The following PTPRR variants were observed in gnomAD, a reference collection of about 807,000 sequenced individuals.
PTPRR encodes the protein protein tyrosine phosphatase receptor type R.
Under a neutral mutation model 77.2 loss-of-function variants are expected in PTPRR, and 38 were observed. The ratio of observed to expected loss-of-function variants is 0.49; its 90% confidence interval spans 0.38 to 0.65. The LOEUF (loss-of-function observed/expected upper bound fraction) is 0.65, where lower values mean the gene tolerates loss of function less well. Among genes scored for constraint, PTPRR ranks in the 30% least tolerant of loss-of-function variants. The pLI is 0.00. For synonymous variants in PTPRR, 299 were observed against 283.1 expected (o/e 1.06, Z -0.57); for missense variants, 744 against 799.2 (o/e 0.93, Z 0.83).
chr12:70,886,522 C>A (rs1303094181), intron 2 of PTPRR, among the ~76,000 whole-genome samples: 1 of 151,956 alleles, frequency 6.6e-6, no homozygotes, highest in Non-Finnish European at 1.5e-5. Context: ...TCCTTTAAGT[C>A]AACTCAAATG....
At chr12:70,905,781 C>T (rs1893612325) in intron 1 of PTPRR, among the ~76,000 whole-genome samples, 1 of 151,796 alleles carries the variant, frequency 6.6e-6, no homozygotes, top group Admixed American at 6.6e-5. Flanking sequence ...AAGTCAATGT[C>T]AATAACTTGT....
At chr12:70,752,780 G>C (rs910378715) in intron 5 of PTPRR, among the ~76,000 whole-genome samples, 1 of 152,128 alleles carries the variant, frequency 6.6e-6, no homozygotes, top group African/African-American at 2.4e-5. Flanking sequence ...TGACTGACAA[G>C]AGAGGGAACA....
At chr12:70,663,424 A>T (rs1566052178) in intron 10 of PTPRR, among the ~76,000 whole-genome samples, 1 of 152,174 alleles carries the variant, frequency 6.6e-6, no homozygotes, top group African/African-American at 2.4e-5. Flanking sequence ...GGCTATCTGG[A>T]AAGTACTTAG....
intron 1 of PTPRR, among the ~76,000 whole-genome samples, chr12:70,913,003 C>A (rs1893722304): frequency 6.6e-6 from 1 of 152,030 alleles, no homozygotes; most frequent in African/African-American, 2.4e-5. Flanking sequence ...AAATGGCTTT[C>A]ACTAGCTTTT....
intron 2 of PTPRR, among the ~76,000 whole-genome samples, chr12:70,814,320 A>T (rs997972494): frequency 7.2e-5 from 11 of 152,212 alleles, no homozygotes; most frequent in Non-Finnish European, 1.5e-4. Flanking sequence ...GCTTGCCCTT[A>T]AGATTGTGTG....
chr12:70,891,998 G>T (rs11178478), intron 2 of PTPRR, among the ~76,000 whole-genome samples: 37,523 of 151,718 alleles, frequency 0.25, 5,207 homozygotes, highest in East Asian at 0.44. Flanking sequence ...GTTCAAATAG[G>T]GTGTCAACCT....
At chr12:70,768,491 A>C (rs1890884680) in intron 2 of PTPRR, among the ~76,000 whole-genome samples, 2 of 152,336 alleles carry the variant, frequency 1.3e-5, no homozygotes, top group South Asian at 4.2e-4. Context: ...GACCAAAAAT[A>C]GGATCTGAAA....
chr12:70,672,935 A>C, intron 10 of PTPRR: 5 of 1,445,798 alleles, frequency 3.5e-6, no homozygotes, highest in Non-Finnish European at 4.6e-6. Flanking sequence ...GAAATGTCGA[A>C]TGCCAGGTGT....
chr12:70,904,833 G>A (rs1592826530), intron 1 of PTPRR, among the ~76,000 whole-genome samples: 2 of 151,754 alleles, frequency 1.3e-5, no homozygotes, highest in Non-Finnish European at 2.9e-5. Flanking sequence ...AAATTTAATT[G>A]AAATGAGGAC....
intron 2 of PTPRR, among the ~76,000 whole-genome samples, chr12:70,817,442 A>C (rs1416560695): frequency 6.6e-6 from 1 of 152,188 alleles, no homozygotes; most frequent in African/African-American, 2.4e-5. Context: ...GTTCTTAGGA[A>C]CCATACACTG....
chr12:70,731,596 C>T (rs1889664740), intron 6 of PTPRR, among the ~76,000 whole-genome samples: 1 of 152,174 alleles, frequency 6.6e-6, no homozygotes, highest in African/African-American at 2.4e-5. Flanking sequence ...CGACCACAGA[C>T]CTTAAAAACC....
intron 8 of PTPRR, among the ~76,000 whole-genome samples, chr12:70,689,033 G>GA (rs397691602): frequency 2.0e-5 from 3 of 151,560 alleles, no homozygotes; most frequent in Non-Finnish European, 4.4e-5. Context: ...AGGTGGGTGG[G>GA]TGAATGGGGA....
intron 2 of PTPRR, among the ~76,000 whole-genome samples, chr12:70,822,965 C>T (rs1019911117): frequency 3.3e-5 from 5 of 151,568 alleles, no homozygotes; most frequent in Non-Finnish European, 7.4e-5. Flanking sequence ...CCTCTAAAGC[C>T]CAATTAAAAA....
At chr12:70,685,163 A>C (rs940087851) in intron 8 of PTPRR, among the ~76,000 whole-genome samples, 1 of 152,070 alleles carries the variant, frequency 6.6e-6, no homozygotes, top group African/African-American at 2.4e-5. Context: ...TACTCTACCA[A>C]TTATTTATAT....
intron 2 of PTPRR, among the ~76,000 whole-genome samples, chr12:70,776,568 C>G (rs17108768): frequency 6.6e-6 from 1 of 152,110 alleles, no homozygotes; most frequent in Admixed American, 6.5e-5. Context: ...ACCTCTTACA[C>G]CTTTCCACCA....
intron 10 of PTPRR, chr12:70,672,476 C>A: frequency 4.4e-6 from 5 of 1,132,456 alleles, no homozygotes; most frequent in South Asian, 1.2e-5. Context: ...GGCTTCACTG[C>A]GGCTCATAAC....
chr12:70,860,741 T>C (rs1892738884), intron 2 of PTPRR, among the ~76,000 whole-genome samples: 1 of 152,106 alleles, frequency 6.6e-6, no homozygotes, highest in Non-Finnish European at 1.5e-5. Flanking sequence ...GTCAGGATAT[T>C]AAGGTATTTG....
At chr12:70,783,854 TG>T (rs1327074367) in intron 2 of PTPRR, among the ~76,000 whole-genome samples, 3 of 4,756 alleles carry the variant, frequency 6.3e-4, no homozygotes, top group East Asian at 6.8e-3. Context: ...TAAGGCTGTG[TG>T]GGGGGGACGG....
chr12:70,699,961 G>A (rs980419299), intron 7 of PTPRR, among the ~76,000 whole-genome samples: 1 of 152,078 alleles, frequency 6.6e-6, no homozygotes, highest in South Asian at 2.1e-4. Context: ...AGTGGGCTAT[G>A]GTAAGGTCTT....
Sources: allele counts gnomAD v4.1 joint callset (sites outside exome capture counted in the v4.1 genomes callset), GRCh38; gene constraint gnomAD v4.1.1; transcripts MANE v1.5; gene names NCBI Gene and HGNC (gene_info 2026-07-23, HGNC 2026-07-21).